Variants in GRM8 observed in about 807,000 individuals in gnomAD.
GRM8 encodes glutamate metabotropic receptor 8, also known as metabotropic glutamate receptor 8.
In GRM8, 47 loss-of-function variants were observed where a neutral mutation model predicts 87.2. The ratio of observed to expected loss-of-function variants is 0.54; its 90% CI spans 0.43 to 0.69. The LOEUF is 0.69. GRM8 is among the 30% of genes least tolerant of loss of function. The pLI is 0.00. For missense variants in GRM8, 1,019 were observed against 1,139.2 expected (o/e 0.89, Z 1.52); for synonymous variants, 396 against 404.5 (o/e 0.98, Z 0.25).
intron 2 of GRM8, among the ~76,000 whole-genome samples, chr7:127,197,812 A>C (rs911607163): frequency 6.6e-6 from 1 of 152,198 alleles, no homozygotes; most frequent in Non-Finnish European, 1.5e-5. Flanking sequence ...ATCTACTACT[A>C]AATGATGTGG....
intron 7 of GRM8, among the ~76,000 whole-genome samples, chr7:126,734,602 C>T (rs775411842): frequency 2.8e-4 from 42 of 151,450 alleles, no homozygotes; most frequent in Admixed American, 1.2e-3. Flanking sequence ...ATCAAAAACT[C>T]AAAAAATTAG....
At chr7:126,936,618 T>A (rs1303935357) in intron 3 of GRM8, among the ~76,000 whole-genome samples, 1 of 152,166 alleles carries the variant, frequency 6.6e-6, no homozygotes, top group Non-Finnish European at 1.5e-5. Context: ...CTAGGAAGGA[T>A]GTGTATACCT....
At chr7:126,453,124 A>G (rs1002165276) in intron 9 of GRM8, among the ~76,000 whole-genome samples, 1 of 150,276 alleles carries the variant, frequency 6.7e-6, no homozygotes, top group African/African-American at 2.4e-5. Flanking sequence ...TACAAGCAAA[A>G]TGGTTTATTC....
At chr7:126,586,746 A>T (rs1203305844) in intron 8 of GRM8, among the ~76,000 whole-genome samples, 2 of 152,140 alleles carry the variant, frequency 1.3e-5, no homozygotes, top group East Asian at 1.9e-4. Context: ...AACCTAGGCA[A>T]TACCATTCAG....
chr7:126,901,500 G>A (rs1454221284), intron 6 of GRM8, among the ~76,000 whole-genome samples: 13 of 152,294 alleles, frequency 8.5e-5, no homozygotes, highest in African/African-American at 3.1e-4. Flanking sequence ...AAAAGTGCCT[G>A]GCACATGGAA....
intron 3 of GRM8, among the ~76,000 whole-genome samples, chr7:126,964,558 A>C (rs1360301748): frequency 6.6e-6 from 1 of 152,358 alleles, no homozygotes; most frequent in East Asian, 1.9e-4. Context: ...ATATGAAAAA[A>C]AGCTCATCAT....
At chr7:127,052,788 A>G (rs1229030573) in intron 3 of GRM8, among the ~76,000 whole-genome samples, 2 of 152,166 alleles carry the variant, frequency 1.3e-5, no homozygotes, top group Non-Finnish European at 2.9e-5. Flanking sequence ...CATGTTTAGG[A>G]ACTGATTCCT....
chr7:126,677,961 C>T (rs949866849), intron 7 of GRM8, among the ~76,000 whole-genome samples: 19 of 152,224 alleles, frequency 1.2e-4, no homozygotes, highest in African/African-American at 4.3e-4. Flanking sequence ...CTGATGGAAT[C>T]CCGACTGATA....
At chr7:127,180,545 A>G (rs1469924858) in intron 2 of GRM8, among the ~76,000 whole-genome samples, 1 of 152,116 alleles carries the variant, frequency 6.6e-6, no homozygotes, top group African/African-American at 2.4e-5. Context: ...GACCTAACCA[A>G]AAAAGAAAAC....
chr7:127,247,655 T>C (rs1193177405), intron 1 of GRM8, among the ~76,000 whole-genome samples: 3 of 152,160 alleles, frequency 2.0e-5, no homozygotes, highest in African/African-American at 7.2e-5. Context: ...ATCGGATCTT[T>C]GTCTGACAGT....
At chr7:126,663,512 C>T (rs1805429042) in intron 7 of GRM8, among the ~76,000 whole-genome samples, 1 of 152,196 alleles carries the variant, frequency 6.6e-6, no homozygotes, top group Non-Finnish European at 1.5e-5. Context: ...AAATGCGATT[C>T]ACCACAGAAA....
chr7:126,441,097 A>G (rs1386202779), intron 10 of GRM8, among the ~76,000 whole-genome samples: 1 of 152,086 alleles, frequency 6.6e-6, no homozygotes, highest in African/African-American at 2.4e-5. Flanking sequence ...TGTAATGACC[A>G]AGAAAGGTAA....
chr7:127,192,735 A>G (rs1184056441), intron 2 of GRM8, among the ~76,000 whole-genome samples: 1 of 152,176 alleles, frequency 6.6e-6, no homozygotes, highest in African/African-American at 2.4e-5. Context: ...TGTTATTAAA[A>G]CAAAATGTCT....
At chr7:127,054,029 C>A (rs190933399) in intron 3 of GRM8, among the ~76,000 whole-genome samples, 1 of 152,058 alleles carries the variant, frequency 6.6e-6, no homozygotes, top group Non-Finnish European at 1.5e-5. Context: ...CTACTAAATA[C>A]GAGTCAGGAT....
At chr7:126,996,564 A>G (rs1813197397) in intron 3 of GRM8, among the ~76,000 whole-genome samples, 2 of 152,064 alleles carry the variant, frequency 1.3e-5, no homozygotes, top group Admixed American at 1.3e-4. Flanking sequence ...ACATACTTCA[A>G]CTATAAAGAT....
intron 3 of GRM8, among the ~76,000 whole-genome samples, chr7:127,022,212 G>C (rs746302684): frequency 6.6e-6 from 1 of 151,300 alleles, no homozygotes; most frequent in Non-Finnish European, 1.5e-5. Flanking sequence ...TGGCAGCACA[G>C]GTCACTGTGT....
At chr7:126,534,921 A>T (rs1305482544) in intron 8 of GRM8, among the ~76,000 whole-genome samples, 2 of 152,104 alleles carry the variant, frequency 1.3e-5, no homozygotes, top group African/African-American at 4.8e-5. Context: ...CTCGATACAT[A>T]TTTGTTGAAT....
chr7:127,085,465 C>G lies in GRM8; in HGVS notation c.727+21031G>C, dbSNP rs562786086. Among the ~76,000 whole-genome samples the G allele has an allele frequency of 4.6e-5, 7 of 152,314 alleles. No homozygotes were observed. The South Asian group carries it at 1.5e-3, about 32-fold the overall frequency. On this transcript the variant is annotated intron_variant, in intron 3 of 10. Coordinates refer to ENST00000339582, the MANE Select transcript of GRM8 (RefSeq NM_000845.3). ...GCATTCCTATTTCTCCACATCCTCTCCAGCATTTGTTTCCTGACCTTTTAA... is the reference window on the plus strand; with the variant it reads ...GCATTCCTATTTCTCCACATCCTCTGCAGCATTTGTTTCCTGACCTTTTAA...
chr7:126,521,992 T>C (rs1366551485), intron 9 of GRM8, among the ~76,000 whole-genome samples: 1 of 152,184 alleles, frequency 6.6e-6, no homozygotes, highest in Non-Finnish European at 1.5e-5. Context: ...TTCACTATTT[T>C]GAGCCCAAAT....
Sources: gnomAD v4.1 joint callset for allele counts (sites outside exome capture counted in the v4.1 genomes callset) on GRCh38, gnomAD v4.1.1 for gene constraint, MANE v1.5 for transcripts, NCBI Gene and HGNC (gene_info 2026-07-23, HGNC 2026-07-21) for gene names.